Variants in PPARGC1A observed in about 807,000 individuals in gnomAD.
PPARGC1A encodes PPARG coactivator 1 alpha, also known as peroxisome proliferator-activated receptor gamma coactivator 1-alpha.
A neutral mutation model predicts 88.7 loss-of-function variants in PPARGC1A; 25 were observed. That is an observed-to-expected ratio of 0.28 (90% CI 0.21 to 0.39). The LOEUF (loss-of-function observed/expected upper bound fraction) is 0.39. PPARGC1A is among the 10% of genes least tolerant of loss of function. PPARGC1A has a pLI of 1.00. For synonymous variants in PPARGC1A, 363 were observed against 355.6 expected (o/e 1.02, Z -0.24); for missense variants, 880 against 968.7 (o/e 0.91, Z 1.22).
At chr4:23,809,182 AT>A (rs1474773432) in intron 10 of PPARGC1A, among the ~76,000 whole-genome samples, 1 of 152,110 alleles carries the variant, frequency 6.6e-6, no homozygotes, top group African/African-American at 2.4e-5. Flanking sequence ...TTTCAAGCTA[AT>A]TTTTTCAAAT....
the PPARGC1A span, among the ~76,000 whole-genome samples, chr4:24,229,553 C>A: frequency 6.6e-6 from 1 of 151,720 alleles, no homozygotes; most frequent in East Asian, 2.0e-4. Flanking sequence ...GAGTTGTTGG[C>A]CAGGCACAGT....
the PPARGC1A span, among the ~76,000 whole-genome samples, chr4:24,186,133 G>A: frequency 6.6e-6 from 1 of 152,122 alleles, no homozygotes; most frequent in Non-Finnish European, 1.5e-5. Flanking sequence ...GTGCAGATGG[G>A]AGACTTTAGC....
chr4:24,023,056 CTCAAT>C, the PPARGC1A span, among the ~76,000 whole-genome samples: 1 of 152,080 alleles, frequency 6.6e-6, no homozygotes, highest in African/African-American at 2.4e-5. Context: ...CTGTTAATTT[CTCAAT>C]TCTACTATAA....
chr4:24,397,317 C>T, the PPARGC1A span, among the ~76,000 whole-genome samples: 6 of 152,114 alleles, frequency 3.9e-5, no homozygotes, highest in Non-Finnish European at 7.3e-5. Context: ...CATTAAAAGT[C>T]CTATGCTTGC....
the PPARGC1A span, among the ~76,000 whole-genome samples, chr4:24,340,800 C>T: frequency 9.9e-5 from 15 of 152,098 alleles, no homozygotes; most frequent in Non-Finnish European, 2.1e-4. Flanking sequence ...GAACCGTGCT[C>T]CAAGCTATGA....
At chr4:24,339,266 A>ACAC in the PPARGC1A span, among the ~76,000 whole-genome samples, 1 of 148,844 alleles carries the variant, frequency 6.7e-6, no homozygotes, top group Non-Finnish European at 1.5e-5. Flanking sequence ...ACACACACAC[A>ACAC]TCAGAATTCC....
chr4:23,886,616 C>G (rs191308149), intron 1 of PPARGC1A, among the ~76,000 whole-genome samples: 3 of 152,112 alleles, frequency 2.0e-5, no homozygotes, highest in African/African-American at 7.2e-5. Context: ...AATTACAGAT[C>G]AGTATACTTG....
chr4:24,123,451 C>T, the PPARGC1A span, among the ~76,000 whole-genome samples: 1 of 152,104 alleles, frequency 6.6e-6, no homozygotes, highest in African/African-American at 2.4e-5. Flanking sequence ...TAGCCTTATT[C>T]ATTGTGAATA....
chr4:23,932,869 G>A, the PPARGC1A span, among the ~76,000 whole-genome samples: 5 of 152,120 alleles, frequency 3.3e-5, no homozygotes, highest in Non-Finnish European at 5.9e-5. Flanking sequence ...GCTCAGAAGA[G>A]GAGAAGGCCA....
chr4:24,304,805 G>C, the PPARGC1A span, among the ~76,000 whole-genome samples: 1 of 152,112 alleles, frequency 6.6e-6, no homozygotes, highest in African/African-American at 2.4e-5. Context: ...TATAAGGAAG[G>C]TATATATCTT....
chr4:24,055,385 C>G, the PPARGC1A span, among the ~76,000 whole-genome samples: 1 of 152,154 alleles, frequency 6.6e-6, no homozygotes. Flanking sequence ...AGAAACAGTT[C>G]CGTGAGCCTT....
the PPARGC1A span, among the ~76,000 whole-genome samples, chr4:24,265,297 C>T: frequency 6.6e-6 from 1 of 152,204 alleles, no homozygotes; most frequent in African/African-American, 2.4e-5. Context: ...AAGGCAACTT[C>T]TCCTTCTTTT....
At chr4:24,181,263 G>A in the PPARGC1A span, among the ~76,000 whole-genome samples, 2 of 152,194 alleles carry the variant, frequency 1.3e-5, no homozygotes, top group Non-Finnish European at 2.9e-5. Flanking sequence ...TTGTGTTACA[G>A]CGAAAAACAC....
chr4:23,889,332 G>A lies in PPARGC1A; in HGVS notation c.54+572C>T, dbSNP rs1717441283. ...GGCCAAATCTTTCAACCACGTATAG[G>A]AGTTTTAAAGGAAGCAGCATCGTTG... On this transcript the variant is annotated intron_variant, in intron 1 of 12. Coordinates refer to ENST00000264867, the MANE Select transcript of PPARGC1A (RefSeq NM_013261.5). 8.1e-6 allele frequency: 8 copies of A among 985,206 alleles called. No homozygotes were observed. In the South Asian group the frequency reaches 2.8e-4, roughly 35 times the overall value. The allele number at this position is 985,206 out of a possible 1,614,324, so 61.0% of individuals were successfully genotyped here.
chr4:24,049,286 A>G, the PPARGC1A span, among the ~76,000 whole-genome samples: 10 of 105,384 alleles, frequency 9.5e-5, no homozygotes, highest in East Asian at 5.1e-4. Context: ...ACACATATAT[A>G]TGTGTGTATA....
chr4:23,797,717 ATAT>A (rs58465842), intron 12 of PPARGC1A, among the ~76,000 whole-genome samples: 55,806 of 151,804 alleles, frequency 0.37, 10,495 homozygotes, highest in Middle Eastern at 0.46. Context: ...ACAACCAAAA[ATAT>A]TTTTTGTTGC....
chr4:24,374,752 A>G, the PPARGC1A span, among the ~76,000 whole-genome samples: 1 of 152,158 alleles, frequency 6.6e-6, no homozygotes, highest in Non-Finnish European at 1.5e-5. Context: ...AAGTGTTGGC[A>G]AGGATGTGAA....
At chr4:24,004,133 T>C in the PPARGC1A span, among the ~76,000 whole-genome samples, 188 of 152,300 alleles carry the variant, frequency 1.2e-3, 2 homozygotes, top group African/African-American at 4.4e-3. Context: ...TGAGTCATCA[T>C]TGGAATTCAC....
the PPARGC1A span, among the ~76,000 whole-genome samples, chr4:23,945,315 T>C: frequency 6.6e-6 from 1 of 152,036 alleles, no homozygotes; most frequent in Non-Finnish European, 1.5e-5. Context: ...AAAACATTAA[T>C]GAAAAAGAAA....
Sources: gnomAD v4.1 joint callset for allele counts (sites outside exome capture counted in the v4.1 genomes callset) on GRCh38, gnomAD v4.1.1 for gene constraint, MANE v1.5 for transcripts, NCBI Gene and HGNC (gene_info 2026-07-23, HGNC 2026-07-21) for gene names.